PTPRM: variants seen among roughly 807,000 people sequenced by gnomAD.
PTPRM encodes protein tyrosine phosphatase receptor type M, also known as receptor-type tyrosine-protein phosphatase mu.
In PTPRM, 47 loss-of-function variants were observed where a neutral mutation model predicts 186.7. That is an observed-to-expected ratio of 0.25 (90% CI 0.20 to 0.32). The LOEUF (loss-of-function observed/expected upper bound fraction) is 0.32. PTPRM is among the 10% of genes least tolerant of loss of function. PTPRM has a pLI of 1.00. For missense variants in PTPRM, 1,494 were observed against 1,865.0 expected (o/e 0.80, Z 3.66); for synonymous variants, 668 against 674.9 (o/e 0.99, Z 0.16).
chr18:7,794,225 T>TTGAGC (rs1272831432), intron 2 of PTPRM, among the ~76,000 whole-genome samples: 1 of 152,172 alleles, frequency 6.6e-6, no homozygotes, highest in African/African-American at 2.4e-5. Flanking sequence ...GGGGGTCTAA[T>TTGAGC]TGAGCTGACT....
At chr18:7,592,041 TC>T (rs1221741607) in intron 1 of PTPRM, among the ~76,000 whole-genome samples, 1 of 152,218 alleles carries the variant, frequency 6.6e-6, no homozygotes, top group Non-Finnish European at 1.5e-5. Context: ...GTAATGGAAC[TC>T]CCAGTAAAAA....
chr18:7,681,665 C>G (rs1254532566), intron 1 of PTPRM, among the ~76,000 whole-genome samples: 3 of 152,040 alleles, frequency 2.0e-5, no homozygotes, highest in African/African-American at 7.2e-5. Context: ...CAAATGCTGA[C>G]TTCTAGATAG....
At position 7,711,311 on chromosome 18, in the gene PTPRM, G is replaced by A. The variant is rs1041756599; in HGVS notation, c.74-62838G>A. On this transcript the variant is annotated intron_variant, in intron 1 of 32. Transcript: ENST00000580170. ...CGGTGCACTCTGGCCCAGATACTAC[G>A]CTTTTCTCATCGTCTTCACAACCCA... Among the ~76,000 whole-genome samples, 10 of 152,264 alleles carry A rather than the reference G, an allele frequency of 6.6e-5. 1 individual carries two copies. The highest frequency in any genetic ancestry group is 3.4e-3 in the Middle Eastern group (1 of 294).
intron 14 of PTPRM, among the ~76,000 whole-genome samples, chr18:8,151,137 C>T (rs999868733): frequency 3.3e-5 from 5 of 152,074 alleles, no homozygotes; most frequent in African/African-American, 1.2e-4. Context: ...GCACTCTGTC[C>T]CTTATCAGAG....
intron 7 of PTPRM, among the ~76,000 whole-genome samples, chr18:8,056,526 G>A (rs2087956047): frequency 6.6e-6 from 1 of 152,064 alleles, no homozygotes; most frequent in South Asian, 2.1e-4. Flanking sequence ...GGAGGCTGAG[G>A]CAGGAGAATT....
chr18:7,639,350 G>A (rs1416724352), intron 1 of PTPRM, among the ~76,000 whole-genome samples: 2 of 141,502 alleles, frequency 1.4e-5, no homozygotes, highest in Non-Finnish European at 3.1e-5. Context: ...GATTACAGGC[G>A]TGAGCCACCG....
intron 8 of PTPRM, among the ~76,000 whole-genome samples, chr18:8,071,494 A>T (rs1047106202): frequency 3.3e-5 from 5 of 152,188 alleles, no homozygotes; most frequent in Admixed American, 6.5e-5. Flanking sequence ...ATGTATTTTC[A>T]TCTTGGCTGT....
At chr18:7,970,965 AG>A (rs1478092125) in intron 7 of PTPRM, among the ~76,000 whole-genome samples, 2 of 85,674 alleles carry the variant, frequency 2.3e-5, no homozygotes, top group African/African-American at 5.7e-5. Context: ...ACTACTTTAA[AG>A]TTCATATGGA....
Position 7,652,451 on chromosome 18 carries a change from A to C in PTPRM, c.73+84560A>C, listed in dbSNP as rs537751575. Reference sequence around the variant, plus strand: ...TCATGCTGCTATAAAGACACATGCAAACGTATGTTTATTGCGGCACTATTC... The same window carrying C: ...TCATGCTGCTATAAAGACACATGCACACGTATGTTTATTGCGGCACTATTC... On this transcript the variant is annotated intron_variant, in intron 1 of 32. Transcript: ENST00000580170. 6.0e-3 allele frequency among the ~76,000 whole-genome samples: 912 copies of C among 152,076 alleles called. 9 individuals carry two copies. The highest frequency in any genetic ancestry group is 0.021 in the African/African-American group (851 of 41,452).
At chr18:7,817,556 A>T (rs1386630518) in intron 2 of PTPRM, among the ~76,000 whole-genome samples, 1 of 152,238 alleles carries the variant, frequency 6.6e-6, no homozygotes, top group African/African-American at 2.4e-5. Context: ...TTATAATTAC[A>T]AAAGGGTTCC....
chr18:8,174,023 G>T (rs921178955), intron 14 of PTPRM, among the ~76,000 whole-genome samples: 2 of 150,368 alleles, frequency 1.3e-5, no homozygotes, highest in African/African-American at 2.5e-5. Context: ...CTGAGATCAC[G>T]CCACTGCACT....
chr18:7,714,327 AAGACAC>A (rs943563773), intron 1 of PTPRM, among the ~76,000 whole-genome samples: 1 of 152,198 alleles, frequency 6.6e-6, no homozygotes, highest in Non-Finnish European at 1.5e-5. Context: ...CAGGAGAACA[AAGACAC>A]AATGTACCAG....
intron 1 of PTPRM, among the ~76,000 whole-genome samples, chr18:7,713,552 C>T (rs2040256904): frequency 6.6e-6 from 1 of 151,926 alleles, no homozygotes; most frequent in Non-Finnish European, 1.5e-5. Context: ...GGTTAAATGC[C>T]CCAATTAAAA....
At chr18:7,677,401 G>C (rs549566978) in intron 1 of PTPRM, among the ~76,000 whole-genome samples, 1 of 152,270 alleles carries the variant, frequency 6.6e-6, no homozygotes, top group African/African-American at 2.4e-5. Context: ...TAACTATAAT[G>C]TTTAAATATC....
At chr18:7,803,483 G>T (rs1366904680) in intron 2 of PTPRM, among the ~76,000 whole-genome samples, 1 of 152,166 alleles carries the variant, frequency 6.6e-6, no homozygotes, top group African/African-American at 2.4e-5. Context: ...CAGCTGCTGA[G>T]CAACTTTAAT....
intron 1 of PTPRM, among the ~76,000 whole-genome samples, chr18:7,748,063 T>C (rs889578208): frequency 6.6e-6 from 1 of 152,174 alleles, no homozygotes; most frequent in Non-Finnish European, 1.5e-5. Context: ...TTTATTTGGG[T>C]ACGTGGCCCC....
At chr18:8,037,779 A>C (rs946844772) in intron 7 of PTPRM, among the ~76,000 whole-genome samples, 11 of 152,250 alleles carry the variant, frequency 7.2e-5, no homozygotes, top group African/African-American at 2.4e-4. Context: ...GCTAATCTGC[A>C]GAAGACAAGG....
intron 22 of PTPRM, among the ~76,000 whole-genome samples, chr18:8,334,149 G>T (rs373189076): frequency 6.6e-6 from 1 of 152,232 alleles, no homozygotes; most frequent in Non-Finnish European, 1.5e-5. Context: ...CACCTGCCTG[G>T]CAGGGAGCCA....
intron 19 of PTPRM, among the ~76,000 whole-genome samples, chr18:8,286,669 T>G (rs1303280927): frequency 6.6e-6 from 1 of 152,204 alleles, no homozygotes; most frequent in African/African-American, 2.4e-5. Flanking sequence ...GGTTATAAAG[T>G]TCCATACAAG....
Sources: gnomAD v4.1 joint callset for allele counts (sites outside exome capture counted in the v4.1 genomes callset) on GRCh38, gnomAD v4.1.1 for gene constraint, MANE v1.5 for transcripts, NCBI Gene and HGNC (gene_info 2026-07-23, HGNC 2026-07-21) for gene names.